Variants in SPHKAP observed in about 807,000 individuals in gnomAD.
The protein encoded by SPHKAP is SPHK1 interactor, AKAP domain containing.
A neutral mutation model predicts 137.5 loss-of-function variants in SPHKAP; 67 were observed. That is an observed-to-expected ratio of 0.49 (90% CI 0.40 to 0.60). The LOEUF (loss-of-function observed/expected upper bound fraction) is 0.60, where lower values mean the gene tolerates loss of function less well. SPHKAP is among the 20% of genes least tolerant of loss of function. The pLI is 0.00. For missense variants in SPHKAP, 2,097 were observed against 2,069.3 expected, an observed-to-expected ratio of 1.01 and a Z score of -0.26; for synonymous variants, 813 against 785.3, an observed-to-expected ratio of 1.04 and a Z score of -0.59.
At chr2:228,010,446 C>T (rs1364075485) in intron 7 of SPHKAP, among the ~76,000 whole-genome samples, 2 of 152,090 alleles carry the variant, frequency 1.3e-5, no homozygotes, top group South Asian at 2.1e-4. Context: ...GCAGGAGAAT[C>T]GCTTGCAGCT....
intron 11 of SPHKAP, among the ~76,000 whole-genome samples, chr2:227,988,268 CAAAAG>C (rs778042010): frequency 6.6e-6 from 1 of 152,036 alleles, no homozygotes; most frequent in Middle Eastern, 3.2e-3. Flanking sequence ...TTAGATGACT[CAAAAG>C]AAAAATTAGG....
At chr2:228,100,383 G>A (rs1038408567) in intron 3 of SPHKAP, among the ~76,000 whole-genome samples, 4 of 152,094 alleles carry the variant, frequency 2.6e-5, no homozygotes, top group Non-Finnish European at 4.4e-5. Context: ...GAATGGGAGT[G>A]GTGAGATTGG....
chr2:228,068,161 AC>A (rs1252759659), intron 3 of SPHKAP, among the ~76,000 whole-genome samples: 1 of 152,156 alleles, frequency 6.6e-6, no homozygotes, highest in East Asian at 1.9e-4. Context: ...CGAGGAATAA[AC>A]TTAACCAAAG....
At position 228,021,743 on chromosome 2, in the gene SPHKAP, T is replaced by C. The variant is rs757181869; in HGVS notation, c.665A>G (p.Glu222Gly). The C allele has an allele frequency of 6.2e-7, 1 of 1,613,840 alleles. No individual in the cohort carries two copies. Among genetic ancestry groups the C allele is most frequent in the African/African-American group, 1.3e-5 (1 of 74,914 alleles). ...EDFLTASEHL[E>G]EESEVDESRN... ...AGATTCATCCACCTCGCTTTCCTCC[T>C]CCAAGTGCTCAGAAGCGGTGAGAAA... is the stretch of plus-strand genomic sequence containing the variant. The change falls in exon 6 of 12, where the codon GAG becomes GGG. Residue 222 changes from glutamate to glycine, a missense_variant. Glu to Gly is a moderately conservative substitution (Grantham distance 98). Transcript: ENST00000392056.
intron 7 of SPHKAP, among the ~76,000 whole-genome samples, chr2:228,013,096 T>A (rs554809615): frequency 2.0e-5 from 3 of 152,332 alleles, no homozygotes; most frequent in Admixed American, 1.3e-4. Context: ...GTAGAACTGT[T>A]TCACAGAGAA....
chr2:228,152,598 T>C (rs141771838), intron 1 of SPHKAP, among the ~76,000 whole-genome samples: 2 of 152,274 alleles, frequency 1.3e-5, no homozygotes, highest in African/African-American at 4.8e-5. Context: ...ATGTAACTGC[T>C]GATATATTTG....
chr2:228,127,844 T>A (rs2106370484), intron 2 of SPHKAP, among the ~76,000 whole-genome samples: 1 of 152,316 alleles, frequency 6.6e-6, no homozygotes, highest in South Asian at 2.1e-4. Context: ...AATTTTTGGT[T>A]TCCCAATGCA....
At chr2:228,036,758 T>C (rs1244790216) in intron 3 of SPHKAP, among the ~76,000 whole-genome samples, 4 of 151,972 alleles carry the variant, frequency 2.6e-5, no homozygotes, top group Non-Finnish European at 5.9e-5. Context: ...CTGGAAACCA[T>C]CATTTTCCGA....
At chr2:228,175,101 A>C (rs1700700977) in intron 1 of SPHKAP, among the ~76,000 whole-genome samples, 1 of 152,036 alleles carries the variant, frequency 6.6e-6, no homozygotes, top group Non-Finnish European at 1.5e-5. Context: ...TATGCAATTA[A>C]AATTCTAGAA....
chr2:228,064,140 C>T (rs937809821), intron 3 of SPHKAP, among the ~76,000 whole-genome samples: 2 of 152,160 alleles, frequency 1.3e-5, no homozygotes, highest in Admixed American at 6.5e-5. Flanking sequence ...AAAATGATAA[C>T]ATTGGAATAC....
intron 3 of SPHKAP, among the ~76,000 whole-genome samples, chr2:228,102,999 C>T (rs544925715): frequency 6.6e-6 from 1 of 152,292 alleles, no homozygotes; most frequent in East Asian, 1.9e-4. Flanking sequence ...TCTGCCTCAG[C>T]CTCCCAAAGT....
At chr2:228,079,319 C>G (rs968271424) in intron 3 of SPHKAP, among the ~76,000 whole-genome samples, 1 of 152,216 alleles carries the variant, frequency 6.6e-6, no homozygotes, top group African/African-American at 2.4e-5. Flanking sequence ...CACTCACCTC[C>G]TGTTGCATGG....
intron 3 of SPHKAP, among the ~76,000 whole-genome samples, chr2:228,098,843 G>A (rs1698094084): frequency 6.6e-6 from 1 of 150,678 alleles, no homozygotes; most frequent in Admixed American, 6.6e-5. Flanking sequence ...TTCTTAACGG[G>A]GTGGTTTTTT....
At chr2:228,081,964 A>C (rs901711305) in intron 3 of SPHKAP, among the ~76,000 whole-genome samples, 8 of 152,192 alleles carry the variant, frequency 5.3e-5, no homozygotes, top group African/African-American at 1.7e-4. Context: ...ACCAAAAAAA[A>C]CCCAACAATG....
chr2:228,072,560 G>T (rs76035496), intron 3 of SPHKAP, among the ~76,000 whole-genome samples: 10,500 of 152,108 alleles, frequency 0.069, 647 homozygotes, highest in East Asian at 0.34. Flanking sequence ...TGTGGTCAGG[G>T]TTCCTTCCCC....
At chr2:228,138,990 T>C (rs1263073331) in intron 1 of SPHKAP, among the ~76,000 whole-genome samples, 1 of 152,146 alleles carries the variant, frequency 6.6e-6, no homozygotes, top group Non-Finnish European at 1.5e-5. Flanking sequence ...TATTGGTAAG[T>C]GGCAATAAAG....
chr2:228,048,852 T>A (rs1039666385), intron 3 of SPHKAP, among the ~76,000 whole-genome samples: 1 of 152,206 alleles, frequency 6.6e-6, no homozygotes, highest in Non-Finnish European at 1.5e-5. Context: ...GGGTTGTTTT[T>A]TCTTGTTGAG....
At position 228,181,543 on chromosome 2, in the gene SPHKAP, G is replaced by T; in HGVS notation, c.32+24C>A. The T allele has an allele frequency of 4.3e-6, 7 of 1,614,176 alleles. No individual in the cohort carries two copies. The highest frequency in any genetic ancestry group is 5.9e-6 in the Non-Finnish European group (7 of 1,180,010). ...ACGGAGTTTGATCGACATGGTATTGGGCATAGAAAGAAGCGGGTCTTACCT... is the reference window on the plus strand; with the variant it reads ...ACGGAGTTTGATCGACATGGTATTGTGCATAGAAAGAAGCGGGTCTTACCT... On this transcript the variant is annotated intron_variant, in intron 1 of 11. Transcript: ENST00000392056. This position sits in a 1 kb window ranked among gnomAD's most constrained non-coding sequence, Gnocchi z 4.3.
chr2:228,073,638 G>A (rs1439914231), intron 3 of SPHKAP, among the ~76,000 whole-genome samples: 2 of 152,156 alleles, frequency 1.3e-5, no homozygotes, highest in Admixed American at 1.3e-4. Context: ...ATTTTAAACT[G>A]TGCTGCAACC....
Sources: gnomAD v4.1 joint callset for allele counts (sites outside exome capture counted in the v4.1 genomes callset) on GRCh38, gnomAD v4.1.1 for gene constraint, Gnocchi (gnomAD v3.1) non-coding constraint, MANE v1.5 for transcripts, NCBI Gene and HGNC (gene_info 2026-07-23, HGNC 2026-07-21) for gene names.